DCAF8: variants seen among roughly 807,000 people sequenced by gnomAD.
The protein encoded by DCAF8 is DDB1- and CUL4-associated factor 8.
Under a neutral mutation model 68.0 loss-of-function variants are expected in DCAF8, and 20 were observed. That is an observed-to-expected ratio of 0.29 (90% confidence interval 0.21 to 0.43). The LOEUF (loss-of-function observed/expected upper bound fraction) is 0.43. DCAF8 is among the 20% of genes least tolerant of loss of function. The pLI is 1.00. For synonymous variants in DCAF8, 230 were observed against 276.9 expected (o/e 0.83, Z 1.68); for missense variants, 460 against 771.0 (o/e 0.60, Z 4.78).
chr1:160,248,895 C>CA (rs58635711), intron 2 of DCAF8, among the ~76,000 whole-genome samples: 6,951 of 137,224 alleles, frequency 0.051, 548 homozygotes, highest in African/African-American at 0.17. Context: ...GACACCATCT[C>CA]AAAAAAAAAA....
intron 6 of DCAF8, 139 bp from the exon 7 acceptor site, chr1:160,231,546 C>T: frequency 1.5e-6 from 1 of 654,154 alleles, no homozygotes; most frequent in South Asian, 2.0e-5. Context: ...GTTGTGTTTT[C>T]TCTGTTTGTT....
At chr1:160,252,954 T>G (rs993230188) in intron 2 of DCAF8, among the ~76,000 whole-genome samples, 2 of 152,096 alleles carry the variant, frequency 1.3e-5, no homozygotes, top group African/African-American at 2.4e-5. Flanking sequence ...AGTTTGGAAC[T>G]TAAATAAAGT....
At chr1:160,222,142 A>C (rs1175178317) in intron 11 of DCAF8, among the ~76,000 whole-genome samples, 8 of 152,250 alleles carry the variant, frequency 5.3e-5, no homozygotes, top group African/African-American at 1.9e-4. Context: ...TATTCTAAGT[A>C]ATCAAATCAA....
At chr1:160,251,900 A>G (rs1433209911) in intron 2 of DCAF8, among the ~76,000 whole-genome samples, 4 of 152,188 alleles carry the variant, frequency 2.6e-5, no homozygotes, top group African/African-American at 9.7e-5. Flanking sequence ...TCTATTAAGT[A>G]CTTGGAGGGG....
intron 2 of DCAF8, among the ~76,000 whole-genome samples, chr1:160,256,418 T>A (rs1180156885): frequency 6.6e-6 from 1 of 152,094 alleles, no homozygotes; most frequent in Non-Finnish European, 1.5e-5. Context: ...ACAGGTTAGG[T>A]TAGAAGAAAG....
intron 6 of DCAF8, among the ~76,000 whole-genome samples, chr1:160,231,816 G>A (rs1348177821): frequency 3.9e-5 from 6 of 152,166 alleles, no homozygotes; most frequent in Non-Finnish European, 7.4e-5. Context: ...TGGGAACAAG[G>A]AGAGACGTGG....
intron 7 of DCAF8, among the ~76,000 whole-genome samples, chr1:160,228,681 C>A (rs1655562814): frequency 1.3e-5 from 2 of 150,120 alleles, no homozygotes; most frequent in Admixed American, 1.3e-4. Context: ...TTTTTAATAA[C>A]CCTAAACTAA....
chr1:160,256,200 C>T (rs1656831776), intron 2 of DCAF8, among the ~76,000 whole-genome samples: 1 of 151,940 alleles, frequency 6.6e-6, no homozygotes, highest in Middle Eastern at 3.2e-3. Context: ...CTCAGTTTAA[C>T]TAATTCCTAG....
intron 2 of DCAF8, among the ~76,000 whole-genome samples, chr1:160,245,569 G>C (rs959097494): frequency 6.6e-6 from 1 of 152,204 alleles, no homozygotes; most frequent in Non-Finnish European, 1.5e-5. Context: ...TAGAAATACT[G>C]CAAGACTGGG....
intron 6 of DCAF8, among the ~76,000 whole-genome samples, chr1:160,233,682 A>G (rs1655773443): frequency 6.6e-6 from 1 of 152,204 alleles, no homozygotes; most frequent in Admixed American, 6.5e-5. Flanking sequence ...AAAAGTTACC[A>G]TGTGGAAGCA....
chr1:160,224,864 G>A (rs893238385), intron 9 of DCAF8, among the ~76,000 whole-genome samples, 198 bp downstream of exon 9: 1 of 152,236 alleles, frequency 6.6e-6, no homozygotes, highest in Non-Finnish European at 1.5e-5. Flanking sequence ...GCAGCATTCT[G>A]CAAATGGTAC....
intron 11 of DCAF8, chr1:160,219,856 A>T (rs1044485692): frequency 6.6e-6 from 1 of 152,258 alleles, no homozygotes; most frequent in Non-Finnish European, 1.5e-5. Context: ...TTCCAGATCT[A>T]GCTGCTAAAG....
At chr1:160,239,137 G>C in intron 4 of DCAF8, 1 of 1,042,172 alleles carries the variant, frequency 9.6e-7, no homozygotes, top group Non-Finnish European at 1.2e-6. Context: ...GAAGAAAAGA[G>C]AACACCCTTA....
rs533995898 is a variant in DCAF8, at chr1:160,225,504, G to A, written c.1143+87C>T. ...CCAGATGACTGACTTGAAAGTCCAA[G>A]CTCTTCCCACCATACCAACAAGTTC... On this transcript the variant is annotated intron_variant, in intron 8 of 13. Transcript: ENST00000368074. The A allele has an allele frequency of 5.7e-6, 6 of 1,048,210 alleles. No homozygotes were observed. In the East Asian group the frequency reaches 1.4e-4, roughly 25 times the overall value. 64.9% of individuals were successfully genotyped at this position (1,048,210 alleles called of 1,614,324 possible). A position where few individuals can be genotyped will look rare whatever the true frequency, so the allele number is the denominator to read the frequency against.
chr1:160,254,392 TA>T (rs891905184), intron 2 of DCAF8, among the ~76,000 whole-genome samples: 1 of 152,072 alleles, frequency 6.6e-6, no homozygotes, highest in Non-Finnish European at 1.5e-5. Flanking sequence ...GTCTAAACAA[TA>T]AAAAAAGTTT....
At chr1:160,230,979 T>G (rs1209369306) in intron 7 of DCAF8, among the ~76,000 whole-genome samples, 1 of 151,320 alleles carries the variant, frequency 6.6e-6, no homozygotes, top group African/African-American at 2.5e-5. Flanking sequence ...GGTCCCAAAC[T>G]CCTGTCCTTA....
intron 3 of DCAF8, among the ~76,000 whole-genome samples, chr1:160,242,549 C>T (rs1656159992): frequency 6.6e-6 from 1 of 152,074 alleles, no homozygotes; most frequent in Non-Finnish European, 1.5e-5. Flanking sequence ...TTTTGGAGGC[C>T]TTACCACATT....
chr1:160,244,452 A>G (rs1260246348), intron 2 of DCAF8, among the ~76,000 whole-genome samples: 1 of 152,194 alleles, frequency 6.6e-6, no homozygotes, highest in Admixed American at 6.5e-5. Context: ...AATAAGTGAC[A>G]TATGTATCCT....
intron 9 of DCAF8, 78 bp from the exon 10 acceptor site, chr1:160,224,627 C>T: frequency 8.8e-7 from 1 of 1,142,768 alleles, no homozygotes; most frequent in Non-Finnish European, 1.3e-6. Flanking sequence ...TGGGGTGGGG[C>T]TTCTTGCCAG....
Sources: gnomAD v4.1 joint callset for allele counts (sites outside exome capture counted in the v4.1 genomes callset) on GRCh38, gnomAD v4.1.1 for gene constraint, MANE v1.5 for transcripts, NCBI Gene and HGNC (gene_info 2026-07-23, HGNC 2026-07-21) for gene names.